PDCD2L: variants seen among roughly 807,000 people sequenced by gnomAD.
The protein encoded by PDCD2L is uS5 assembly chaperone PDCD2L.
PDCD2L carries 44 observed loss-of-function variants against 40.4 expected under a neutral mutation model. The observed-to-expected ratio is 1.09, with a 90% CI of 0.86 to 1.40. The LOEUF (loss-of-function observed/expected upper bound fraction) is 1.40. PDCD2L is among the 40% of genes most tolerant of loss of function. The pLI is 0.00. For missense variants in PDCD2L, 470 were observed against 453.7 expected (o/e 1.04, Z -0.33); for synonymous variants, 194 against 174.6 (o/e 1.11, Z -0.88).
chr19:34,411,139 T>C, intron 4 of PDCD2L, among the ~76,000 whole-genome samples: 1 of 150,864 alleles, frequency 6.6e-6, no homozygotes, highest in Non-Finnish European at 1.5e-5. Flanking sequence ...TTTTGGTGGG[T>C]TTCTTCAGAC....
rs1599867468 is a variant in PDCD2L, at chr19:34,404,788, C to A, written c.248C>A (p.Pro83His). ...CTGCACGTGTTCGCGTGCGCCTGCC[C>A]CGGCTGTAGCACCGGCGGTGCGCGC... Reference protein sequence around the residue: ...RLLHVFACACPGCSTGGARSW... With the variant: ...RLLHVFACACHGCSTGGARSW... Residue 83 changes from proline to histidine, a missense_variant, in exon 2 of 7, where the codon CCC becomes CAC. Coordinates refer to ENST00000246535, the MANE Select transcript of PDCD2L (RefSeq NM_032346.2). The A allele has an allele frequency of 6.2e-7, 1 of 1,605,540 alleles. No homozygotes were observed. Among genetic ancestry groups the A allele is most frequent in the South Asian group, 1.1e-5 (1 of 90,286 alleles).
intron 4 of PDCD2L, among the ~76,000 whole-genome samples, chr19:34,413,326 G>C (rs2075112584): frequency 8.7e-6 from 1 of 115,598 alleles, no homozygotes; most frequent in South Asian, 2.8e-4. Flanking sequence ...AGGCGTGATT[G>C]ATTTTTTTTT....
intron 6 of PDCD2L, among the ~76,000 whole-genome samples, chr19:34,423,100 T>G (rs143199180): frequency 7.2e-5 from 11 of 152,212 alleles, no homozygotes; most frequent in Non-Finnish European, 1.2e-4. Context: ...ATAACATTCT[T>G]TCTGTGTTTC....
chr19:34,410,766 A>T (rs984590438), intron 4 of PDCD2L, among the ~76,000 whole-genome samples: 58 of 149,590 alleles, frequency 3.9e-4, no homozygotes, highest in African/African-American at 1.2e-3. Context: ...TTTATTTTTT[A>T]TTTATTTATT....
Position 34,409,144 on chromosome 19 carries a change from A to T in PDCD2L, c.337-17A>T. 2 of 1,602,978 alleles carry T rather than the reference A, an allele frequency of 1.2e-6. No individual in the cohort carries two copies. The highest frequency in any genetic ancestry group is 1.7e-4 in the Middle Eastern group (1 of 5,994). On this transcript the variant is annotated splice_polypyrimidine_tract_variant and intron_variant, in intron 3 of 6. Coordinates refer to ENST00000246535, the MANE Select transcript of PDCD2L (RefSeq NM_032346.2). ...TCCCAAATGTGCTCGGACCTCATTC[A>T]CTGAGTATTTTTCCAGAAACAGGGA...
chr19:34,404,801 C>G lies in PDCD2L; in HGVS notation c.261C>G (p.Thr87=), dbSNP rs372410686. 1.2e-6 allele frequency: 2 copies of G among 1,603,656 alleles called. No homozygotes were observed. The highest frequency in any genetic ancestry group is 1.7e-6 in the Non-Finnish European group (2 of 1,176,778). ...CGTGCGCCTGCCCCGGCTGTAGCACCGGCGGTGCGCGCAGGTAGGCGGGGA... is the reference window on the plus strand; with the variant it reads ...CGTGCGCCTGCCCCGGCTGTAGCACGGGCGGTGCGCGCAGGTAGGCGGGGA... ...VFACACPGCS[T]GGARSWKVFR... Residue 87 remains threonine, a synonymous_variant, in exon 2 of 7, where the codon ACC becomes ACG. Coordinates refer to ENST00000246535, the MANE Select transcript of PDCD2L (RefSeq NM_032346.2).
intron 5 of PDCD2L, among the ~76,000 whole-genome samples, chr19:34,414,474 CTTT>C (rs35413401): frequency 2.5e-5 from 1 of 39,784 alleles, no homozygotes; most frequent in Non-Finnish European, 4.6e-5. Context: ...CCATGCCTGG[CTTT>C]TTTTTTTTTT....
At chr19:34,405,265 GCCTC>G (rs1220660841) in intron 3 of PDCD2L, among the ~76,000 whole-genome samples, 1 of 147,748 alleles carries the variant, frequency 6.8e-6, no homozygotes, top group Non-Finnish European at 1.5e-5. Flanking sequence ...TCCTGCCTCA[GCCTC>G]CCTAGTAGCT....
intron 3 of PDCD2L, among the ~76,000 whole-genome samples, chr19:34,405,281 G>T (rs2075069049): frequency 4.0e-5 from 6 of 151,212 alleles, no homozygotes; most frequent in Admixed American, 3.3e-4. Flanking sequence ...CTAGTAGCTG[G>T]GATTACAGGC....
rs757698655 is a variant in PDCD2L at position 34,409,289 on chromosome 19, C to T, written c.465C>T (p.Asp155=). 9.3e-6 allele frequency: 15 copies of T among 1,614,018 alleles called. No homozygotes were observed. Among genetic ancestry groups the T allele is most frequent in the African/African-American group, 1.3e-5 (1 of 74,918 alleles). ...GGAATGATGCCAGCAGTGCCAAAGA[C>T]GTAGACTGGACTGCTCGGCTCCAAG... ...DFGNDASSAK[D]VDWTARLQDL... Residue 155 remains aspartate, a synonymous_variant, in exon 4 of 7, where the codon GAC becomes GAT. Coordinates refer to ENST00000246535, the MANE Select transcript of PDCD2L (RefSeq NM_032346.2).
chr19:34,425,873 G>C (rs2075174685), intron 6 of PDCD2L, 117 bp from the exon 7 acceptor site: 1 of 959,620 alleles, frequency 1.0e-6, no homozygotes, highest in Non-Finnish European at 1.5e-6. Flanking sequence ...AAAGCAGTAA[G>C]CACTGTTTTT....
chr19:34,407,910 C>T (rs1044007838), intron 3 of PDCD2L, among the ~76,000 whole-genome samples: 1 of 152,066 alleles, frequency 6.6e-6, no homozygotes, highest in African/African-American at 2.4e-5. Context: ...TATATATACA[C>T]TGAGTTTGTT....
intron 4 of PDCD2L, among the ~76,000 whole-genome samples, chr19:34,410,512 A>G (rs2075097287): frequency 6.6e-6 from 1 of 152,140 alleles, no homozygotes; most frequent in African/African-American, 2.4e-5. Flanking sequence ...TCAGCCTCCC[A>G]AAGTGCTGGG....
chr19:34,417,190 C>A (rs1010044631), intron 5 of PDCD2L, among the ~76,000 whole-genome samples: 1 of 152,082 alleles, frequency 6.6e-6, no homozygotes, highest in South Asian at 2.1e-4. Context: ...ATAAGAACTT[C>A]ATAAGAATGG....
Position 34,404,790 on chromosome 19 carries a change from G to T in PDCD2L, c.250G>T (p.Gly84Cys). The T allele has an allele frequency of 1.9e-6, 3 of 1,605,534 alleles. No homozygotes were observed. The highest frequency in any genetic ancestry group is 1.7e-6 in the Non-Finnish European group (2 of 1,177,464). Residue 84 changes from glycine to cysteine, a missense_variant, in exon 2 of 7, where the codon GGC becomes TGC. By Grantham distance (159) the Gly-to-Cys change is radical. Transcript: ENST00000246535. ...LLHVFACACP[G>C]CSTGGARSWK... Reference sequence around the variant, plus strand: ...GCACGTGTTCGCGTGCGCCTGCCCCGGCTGTAGCACCGGCGGTGCGCGCAG... The same window carrying T: ...GCACGTGTTCGCGTGCGCCTGCCCCTGCTGTAGCACCGGCGGTGCGCGCAG...
chr19:34,404,657 G>C lies in PDCD2L; in HGVS notation c.117G>C (p.Leu39=). 2.5e-6 allele frequency: 4 copies of C among 1,610,920 alleles called. No homozygotes were observed. The highest frequency in any genetic ancestry group is 3.4e-6 in the Non-Finnish European group (4 of 1,179,610). ...ASKLGGIPDA[L]PTVAAPRPVC... is the part of the protein sequence containing the mutation. ...CTCCTCTGTCCCCTCAGGATGCTCTGCCCACCGTGGCTGCGCCCAGGCCCG... is the reference window on the plus strand; with the variant it reads ...CTCCTCTGTCCCCTCAGGATGCTCTCCCCACCGTGGCTGCGCCCAGGCCCG... The change falls in exon 2 of 7, where the codon CTG becomes CTC. Residue 39 remains leucine (L), a synonymous_variant. Transcript: ENST00000246535.
intron 6 of PDCD2L, among the ~76,000 whole-genome samples, chr19:34,422,746 T>C (rs2075158020): frequency 6.6e-6 from 1 of 150,994 alleles, no homozygotes; most frequent in Non-Finnish European, 1.5e-5. Context: ...GACGGAGTCT[T>C]GCTCTGTCGC....
intron 5 of PDCD2L, among the ~76,000 whole-genome samples, chr19:34,420,116 C>T (rs2075143772): frequency 6.6e-6 from 1 of 151,822 alleles, no homozygotes; most frequent in Non-Finnish European, 1.5e-5. Context: ...TCAGCCTCCC[C>T]CACAGCTGGG....
chr19:34,411,375 G>A (rs909731411), intron 4 of PDCD2L, among the ~76,000 whole-genome samples: 1 of 151,780 alleles, frequency 6.6e-6, no homozygotes, highest in East Asian at 1.9e-4. Context: ...GAGTAGCTGG[G>A]ACCATAGGCG....
Sources: gnomAD v4.1 joint callset for allele counts (sites outside exome capture counted in the v4.1 genomes callset) on GRCh38, gnomAD v4.1.1 for gene constraint, MANE v1.5 for transcripts, NCBI Gene and HGNC (gene_info 2026-07-23, HGNC 2026-07-21) for gene names.